The following RABGAP1L variants were observed in gnomAD, a reference collection of about 807,000 sequenced individuals.
RABGAP1L encodes RAB GTPase activating protein 1 like, also known as rab GTPase-activating protein 1-like.
RABGAP1L carries 63 observed loss-of-function variants against 137.7 expected under a neutral mutation model. That is an observed-to-expected ratio of 0.46 (90% CI 0.37 to 0.56). The LOEUF (loss-of-function observed/expected upper bound fraction) is 0.56. Among genes scored for constraint, RABGAP1L ranks in the 20% least tolerant of loss-of-function variants. The pLI is 0.00. For missense variants in RABGAP1L, 1,095 were observed against 1,244.0 expected (o/e 0.88, Z 1.80); for synonymous variants, 431 against 433.7 (o/e 0.99, Z 0.08).
In RABGAP1L at chr1:174,159,631, C is replaced by T. The variant is rs1477440018; in HGVS notation, c.-60C>T. The stretch of plus-strand genomic sequence containing the variant: ...CGGGCGCCTGAAGGAGTTGTTGTCT[C>T]GGCAGCGCCCGCGGAGACGTGAAGA... On this transcript the variant is annotated 5_prime_UTR_variant, in exon 1 of 26. Coordinates refer to ENST00000681986, the MANE Select transcript of RABGAP1L (RefSeq NM_001366446.1). 6.6e-6 allele frequency: 1 copy of T among 152,314 alleles called. No homozygotes were observed. Among genetic ancestry groups the T allele is most frequent in the Non-Finnish European group, 1.5e-5 (1 of 68,124 alleles). 9.4% of individuals were successfully genotyped at this position (152,314 alleles called of 1,614,324 possible). A position where few individuals can be genotyped will look rare whatever the true frequency, so the allele number is the denominator to read the frequency against.
At chr1:174,278,158 T>C (rs1027081182) in intron 9 of RABGAP1L, among the ~76,000 whole-genome samples, 14 of 152,060 alleles carry the variant, frequency 9.2e-5, no homozygotes, top group Non-Finnish European at 1.9e-4. Flanking sequence ...ATCCCAGCAC[T>C]TTGGGAGGCT....
chr1:174,214,740 G>GGACAGTCT (rs1274545061), intron 1 of RABGAP1L, among the ~76,000 whole-genome samples: 1 of 152,102 alleles, frequency 6.6e-6, no homozygotes, highest in Non-Finnish European at 1.5e-5. Context: ...ACTGGGGAAA[G>GGACAGTCT]GACAGTCTGT....
chr1:174,486,223 C>CTTTTTTTTTT (rs201692363), intron 13 of RABGAP1L, among the ~76,000 whole-genome samples: 3 of 119,878 alleles, frequency 2.5e-5, no homozygotes, highest in Non-Finnish European at 5.3e-5. Flanking sequence ...GTTCTTTTTT[C>CTTTTTTTTTT]TTTTTTTTTT....
At chr1:174,614,059 G>T (rs569232986) in intron 13 of RABGAP1L, among the ~76,000 whole-genome samples, 21 of 152,180 alleles carry the variant, frequency 1.4e-4, no homozygotes, top group East Asian at 3.9e-4. Context: ...CCATTTACAT[G>T]TAAAGTTAAT....
At chr1:174,788,061 C>T (rs1425411400) in intron 18 of RABGAP1L, among the ~76,000 whole-genome samples, 1 of 152,208 alleles carries the variant, frequency 6.6e-6, no homozygotes, top group Non-Finnish European at 1.5e-5. Context: ...CTAGACCTTA[C>T]ATGTTCTCAC....
chr1:174,205,854 C>T (rs1322389564), intron 1 of RABGAP1L, among the ~76,000 whole-genome samples: 18 of 151,858 alleles, frequency 1.2e-4, no homozygotes. Flanking sequence ...TTCTAGAAAC[C>T]CAATTTAAAC....
At chr1:174,185,397 T>C (rs1158003325) in intron 1 of RABGAP1L, among the ~76,000 whole-genome samples, 2 of 152,240 alleles carry the variant, frequency 1.3e-5, no homozygotes, top group South Asian at 2.1e-4. Flanking sequence ...TTACTTCTTT[T>C]AGAAGGTTTT....
chr1:174,784,411 A>C (rs1793297), intron 18 of RABGAP1L, among the ~76,000 whole-genome samples: 1 of 151,828 alleles, frequency 6.6e-6, no homozygotes, highest in Non-Finnish European at 1.5e-5. Context: ...AATTTATTAT[A>C]TTTATCTTAT....
At chr1:174,602,618 G>T (rs1312876841) in intron 13 of RABGAP1L, among the ~76,000 whole-genome samples, 19 of 152,100 alleles carry the variant, frequency 1.2e-4, no homozygotes, top group Non-Finnish European at 2.5e-4. Flanking sequence ...TTGTAGGCAT[G>T]CTCCATTGTT....
intron 20 of RABGAP1L, 27 bp downstream of exon 20, chr1:174,957,576 A>G (rs1303158526): frequency 1.3e-6 from 2 of 1,557,646 alleles, no homozygotes; most frequent in Admixed American, 1.7e-5. Flanking sequence ...GCACCTATCA[A>G]AGTACCTTCT....
intron 13 of RABGAP1L, among the ~76,000 whole-genome samples, chr1:174,527,129 C>T (rs11487399): frequency 0.39 from 59,131 of 151,148 alleles, 14,545 homozygotes; most frequent in African/African-American, 0.7. Flanking sequence ...GAATCTATGG[C>T]TTTCAACATT....
chr1:174,637,698 A>G (rs1010049513), intron 14 of RABGAP1L, among the ~76,000 whole-genome samples: 2 of 152,176 alleles, frequency 1.3e-5, no homozygotes, highest in Non-Finnish European at 2.9e-5. Context: ...GAGGAGGCGC[A>G]GCATAGCCTC....
At chr1:174,970,997 C>T (rs1044795014) in intron 21 of RABGAP1L, among the ~76,000 whole-genome samples, 1 of 151,556 alleles carries the variant, frequency 6.6e-6, no homozygotes. Flanking sequence ...TACTGGCTGG[C>T]ATTGGGTCAT....
At chr1:174,305,226 T>A in intron 11 of RABGAP1L, 99 bp downstream of exon 11, 1 of 1,250,296 alleles carries the variant, frequency 8.0e-7, no homozygotes, top group Non-Finnish European at 1.0e-6. Context: ...GTGGTGGTTA[T>A]TCCTAACCTC....
intron 13 of RABGAP1L, among the ~76,000 whole-genome samples, chr1:174,420,122 A>G (rs1651078880): frequency 6.6e-6 from 1 of 152,124 alleles, no homozygotes; most frequent in African/African-American, 2.4e-5. Context: ...GAAAAAGCCA[A>G]CCACATTAAT....
chr1:174,308,840 T>A lies in RABGAP1L; in HGVS notation c.1465+3713T>A, dbSNP rs1000412525. The stretch of plus-strand genomic sequence containing the variant: ...CAGCTTTGATCTTTTTGCTCAAGAT[T>A]GCTTCACCTATTTGGGATCCTTTGT... On this transcript the variant is annotated intron_variant, in intron 11 of 25. Transcript: ENST00000681986. 4.6e-5 allele frequency among the ~76,000 whole-genome samples: 7 copies of A among 152,118 alleles called. 1 individual carries two copies. Among genetic ancestry groups the A allele is most frequent in the Admixed American group, 4.6e-4 (7 of 15,278 alleles).
At chr1:174,527,070 GT>G (rs1170315882) in intron 13 of RABGAP1L, among the ~76,000 whole-genome samples, 2 of 152,064 alleles carry the variant, frequency 1.3e-5, no homozygotes, top group East Asian at 3.9e-4. Context: ...CCATCTGAAT[GT>G]TTTTATTGAC....
At chr1:174,512,330 T>C (rs2147807978) in intron 13 of RABGAP1L, among the ~76,000 whole-genome samples, 1 of 152,332 alleles carries the variant, frequency 6.6e-6, no homozygotes, top group Admixed American at 6.5e-5. Flanking sequence ...GCCACTATTA[T>C]AGCCCCTACT....
chr1:174,356,284 G>A (rs1386485446), intron 11 of RABGAP1L, among the ~76,000 whole-genome samples: 4 of 151,844 alleles, frequency 2.6e-5, no homozygotes, highest in Admixed American at 6.6e-5. Context: ...TTTTAAGCAA[G>A]GATTTGTTTA....
Sources: gnomAD v4.1 joint callset for allele counts (sites outside exome capture counted in the v4.1 genomes callset) on GRCh38, gnomAD v4.1.1 for gene constraint, MANE v1.5 for transcripts, NCBI Gene and HGNC (gene_info 2026-07-23, HGNC 2026-07-21) for gene names.